TBK1: variants seen among roughly 807,000 people sequenced by gnomAD.
The protein encoded by TBK1 is TANK binding kinase 1.
In TBK1, 37 loss-of-function variants were observed where a neutral mutation model predicts 99.9. The ratio of observed to expected loss-of-function variants is 0.37; its 90% CI spans 0.28 to 0.49. TBK1 has a LOEUF of 0.49. Ranked by LOEUF, TBK1 falls within the 20% of genes least tolerant of loss-of-function variation. TBK1 has a pLI of 0.98. For synonymous variants in TBK1, 258 were observed against 279.8 expected, an observed-to-expected ratio of 0.92 and a Z score of 0.78; for missense variants, 644 against 872.5, an observed-to-expected ratio of 0.74 and a Z score of 3.30.
At chr12:64,488,217 T>C (rs1414672057) in intron 11 of TBK1, among the ~76,000 whole-genome samples, 1 of 152,220 alleles carries the variant, frequency 6.6e-6, no homozygotes, top group Non-Finnish European at 1.5e-5. Flanking sequence ...TGTGTAATTG[T>C]AGATTAGTTT....
Position 64,496,359 on chromosome 12 carries a change from AT to A in TBK1, c.1721-5del. 8.6e-7 allele frequency: 1 copy of A among 1,163,270 alleles called. No homozygotes were observed. The highest frequency in any genetic ancestry group is 1.2e-6 in the Non-Finnish European group (1 of 818,568). The allele number at this position is 1,163,270 out of a possible 1,614,324, so 72.1% of individuals were successfully genotyped here. On this transcript the variant is annotated splice_polypyrimidine_tract_variant and splice_region_variant and intron_variant, in intron 15 of 20. Coordinates refer to ENST00000331710, the MANE Select transcript of TBK1 (RefSeq NM_013254.4). ...ATTAACAACAGTAATATATTTTCCT[AT>A]TTCTAGGATTAGCTTATAATGAAGA...
At chr12:64,462,428 A>G (rs1212475541) in intron 3 of TBK1, among the ~76,000 whole-genome samples, 3 of 152,246 alleles carry the variant, frequency 2.0e-5, no homozygotes, top group African/African-American at 7.2e-5. Flanking sequence ...ATACAGTGTA[A>G]TATGCAAACA....
intron 1 of TBK1, chr12:64,452,447 C>T (rs1592348042): frequency 6.6e-6 from 1 of 152,376 alleles, no homozygotes; most frequent in Non-Finnish European, 1.5e-5. Flanking sequence ...GCCCTGTTAC[C>T]TGCATCCCCG....
intron 4 of TBK1, 23 bp from the exon 5 acceptor site, chr12:64,466,878 T>A: frequency 6.6e-7 from 1 of 1,520,152 alleles, no homozygotes; most frequent in African/African-American, 1.4e-5. Context: ...CATTATGACT[T>A]CTTTTGTTTT....
At chr12:64,459,035 G>A (rs989888563) in intron 2 of TBK1, among the ~76,000 whole-genome samples, 3 of 152,134 alleles carry the variant, frequency 2.0e-5, no homozygotes, top group African/African-American at 7.2e-5. Flanking sequence ...AGGATCATGC[G>A]ATTCTGGAGT....
At chr12:64,468,390 AGG>A (rs1307785469) in intron 5 of TBK1, among the ~76,000 whole-genome samples, 2 of 151,480 alleles carry the variant, frequency 1.3e-5, no homozygotes, top group Non-Finnish European at 2.9e-5. Flanking sequence ...CTACTTTGGG[AGG>A]TTGAGGCAGA....
intron 3 of TBK1, among the ~76,000 whole-genome samples, chr12:64,463,785 C>G (rs570657023): frequency 6.6e-6 from 1 of 151,468 alleles, no homozygotes; most frequent in South Asian, 2.1e-4. Context: ...TCAGATTTAG[C>G]TACTTTTTAC....
intron 11 of TBK1, among the ~76,000 whole-genome samples, chr12:64,487,508 T>G (rs61933204): frequency 0.096 from 14,579 of 152,248 alleles, 848 homozygotes; most frequent in Middle Eastern, 0.21. Context: ...CCTAAGCCTA[T>G]GCTTTTCTGT....
rs115179482 is a variant in TBK1 at position 64,496,667 on chromosome 12, C to T, written c.1760+261C>T. 5.6e-3 allele frequency among the ~76,000 whole-genome samples: 860 copies of T among 152,258 alleles called. 10 individuals carry two copies. The highest frequency in any genetic ancestry group is 0.019 in the African/African-American group (785 of 41,560). On this transcript the variant is annotated intron_variant, in intron 16 of 20. Transcript: ENST00000331710. The stretch of plus-strand genomic sequence containing the variant: ...GCTTCTGCCTCATATGCTCTGATTA[C>T]AGAAGTACAGATAATACAGCACATA...
At chr12:64,462,284 T>C (rs1344180536) in intron 3 of TBK1, among the ~76,000 whole-genome samples, 3 of 152,234 alleles carry the variant, frequency 2.0e-5, no homozygotes, top group Non-Finnish European at 4.4e-5. Context: ...AAAGTTAATT[T>C]TTTACCACAC....
chr12:64,462,751 C>G (rs763568701), intron 3 of TBK1, among the ~76,000 whole-genome samples: 1 of 152,078 alleles, frequency 6.6e-6, no homozygotes, highest in African/African-American at 2.4e-5. Flanking sequence ...AAGACTCATT[C>G]AGATTTTCAG....
chr12:64,492,484 T>G (rs1283971775), intron 13 of TBK1, among the ~76,000 whole-genome samples: 1 of 151,848 alleles, frequency 6.6e-6, no homozygotes, highest in African/African-American at 2.4e-5. Context: ...TTTTGTATTT[T>G]TAGTAGAGAA....
chr12:64,496,230 G>A, intron 15 of TBK1, 137 bp from the exon 16 acceptor site: 1 of 395,598 alleles, frequency 2.5e-6, no homozygotes, highest in Non-Finnish European at 4.7e-6. Flanking sequence ...TGGGCCATAA[G>A]TAACCAATGA....
Position 64,495,483 on chromosome 12 carries a change from C to A in TBK1, c.1522C>A (p.Leu508Ile), listed in dbSNP as rs144424516. The A allele has an allele frequency of 3.8e-4, 616 of 1,612,610 alleles. 4 individuals carry two copies. The African/African-American group carries it at 6.9e-3, about 18-fold the overall frequency. Residue 508 changes from leucine (L) to isoleucine (I), a missense_variant and splice_region_variant, in exon 14 of 21, where the codon CTT becomes ATT. Physicochemically the swap from Leu to Ile is conservative, Grantham distance 5. This residue lies in a region of TBK1 where 465 missense variants were observed against 588.0 expected (regional missense o/e 0.79). Transcript: ENST00000331710. ...ISDIHTKLLR[L>I]SSSQGTIETS... is the part of the protein sequence containing the mutation. ...GATCTGAACCTTTGGTTTTATTTAG[C>A]TTTCCAGTTCTCAGGGAACAATAGA...
At chr12:64,485,671 C>G (rs2040813914) in intron 10 of TBK1, 158 bp downstream of exon 10, 2 of 466,136 alleles carry the variant, frequency 4.3e-6, no homozygotes, top group Non-Finnish European at 7.3e-6. Flanking sequence ...TGTGGTCTTT[C>G]TTTTTTACTT....
intron 13 of TBK1, among the ~76,000 whole-genome samples, chr12:64,490,903 CAA>C (rs34642435): frequency 0.42 from 62,094 of 148,704 alleles, 15,174 homozygotes; most frequent in Non-Finnish European, 0.55. Flanking sequence ...TCCTGGGTGA[CAA>C]GAGTGAAACT....
intron 5 of TBK1, among the ~76,000 whole-genome samples, chr12:64,467,448 G>A (rs1398221165): frequency 6.6e-6 from 1 of 152,008 alleles, no homozygotes; most frequent in African/African-American, 2.4e-5. Flanking sequence ...GGGGGAGTTG[G>A]TTATTGAATG....
chr12:64,475,160 G>C (rs934319795), intron 6 of TBK1, among the ~76,000 whole-genome samples: 10 of 152,142 alleles, frequency 6.6e-5, no homozygotes, highest in African/African-American at 2.2e-4. Flanking sequence ...CATTTTGGCA[G>C]TAATGTAACA....
chr12:64,475,676 T>A (rs1162310414), intron 6 of TBK1, among the ~76,000 whole-genome samples: 1 of 152,224 alleles, frequency 6.6e-6, no homozygotes, highest in African/African-American at 2.4e-5. Flanking sequence ...GCATCCATGT[T>A]GCTGCAAAGG....
Sources: gnomAD v4.1 joint callset for allele counts (sites outside exome capture counted in the v4.1 genomes callset) on GRCh38, gnomAD v4.1.1 for gene constraint, gnomAD v4.1.1 regional missense constraint, MANE v1.5 for transcripts, NCBI Gene and HGNC (gene_info 2026-07-23, HGNC 2026-07-21) for gene names.